Variants in NRXN3 observed in about 807,000 individuals in gnomAD.
The protein encoded by NRXN3 is neurexin III.
NRXN3 carries 32 observed loss-of-function variants against 137.6 expected under a neutral mutation model. That is an observed-to-expected ratio of 0.23 (90% CI 0.18 to 0.31). The LOEUF (loss-of-function observed/expected upper bound fraction) is 0.31, where lower values mean the gene tolerates loss of function less well. Among genes scored for constraint, NRXN3 ranks in the 10% least tolerant of loss-of-function variants. NRXN3 has a pLI of 1.00. For missense variants in NRXN3, 1,574 were observed against 2,062.5 expected (o/e 0.76, Z 4.59); for synonymous variants, 798 against 784.5 (o/e 1.02, Z -0.29).
chr14:78,977,954 T>C (rs1226164478), intron 14 of NRXN3, among the ~76,000 whole-genome samples: 1 of 152,116 alleles, frequency 6.6e-6, no homozygotes, highest in African/African-American at 2.4e-5. Flanking sequence ...ATATCACCAA[T>C]AAAAGGCCAC....
chr14:78,649,706 A>C (rs1357936395), intron 5 of NRXN3, among the ~76,000 whole-genome samples: 2 of 146,674 alleles, frequency 1.4e-5, no homozygotes, highest in Non-Finnish European at 3.0e-5. Context: ...TCTCCCTCTC[A>C]CTCTTCCTCT....
rs904085775 is a variant in NRXN3 at position 79,246,657 on chromosome 14, A to G, written c.3263-220564A>G. On this transcript the variant is annotated intron_variant, in intron 15 of 20. Transcript: ENST00000335750. ...GTTAGAGGCCTTTAGAAAGTGCAAGATACAAGTTAACTCTGTTTAAAGTTT... is the reference window on the plus strand; with the variant it reads ...GTTAGAGGCCTTTAGAAAGTGCAAGGTACAAGTTAACTCTGTTTAAAGTTT... 10 of 152,302 alleles carry G rather than the reference A, an allele frequency of 6.6e-5. 1 individual carries two copies. The highest frequency in any genetic ancestry group is 2.4e-4 in the African/African-American group (10 of 41,574). The allele number at this position is 152,302 out of a possible 1,614,324, so 9.4% of individuals were successfully genotyped here.
chr14:78,378,936 G>A (rs1405937698), intron 4 of NRXN3, among the ~76,000 whole-genome samples: 2 of 151,928 alleles, frequency 1.3e-5, no homozygotes, highest in Admixed American at 6.6e-5. Context: ...ATGAAATAAA[G>A]GATATCGCTA....
At chr14:79,564,805 C>G (rs2097532297) in intron 16 of NRXN3, among the ~76,000 whole-genome samples, 1 of 151,952 alleles carries the variant, frequency 6.6e-6, no homozygotes. Flanking sequence ...CCTGTCATAC[C>G]TTATTTGGTA....
At chr14:79,256,057 T>C (rs1320579608) in intron 15 of NRXN3, among the ~76,000 whole-genome samples, 4 of 152,140 alleles carry the variant, frequency 2.6e-5, no homozygotes, top group Admixed American at 2.6e-4. Context: ...CTGTGCCTAC[T>C]ACCCATATTA....
intron 8 of NRXN3, among the ~76,000 whole-genome samples, chr14:78,752,232 C>T (rs1406029391): frequency 6.6e-6 from 1 of 152,124 alleles, no homozygotes; most frequent in East Asian, 1.9e-4. Context: ...CAGGGTGAAA[C>T]CCTGTTTGGT....
intron 4 of NRXN3, among the ~76,000 whole-genome samples, chr14:78,334,865 A>G (rs2081271744): frequency 6.6e-6 from 1 of 152,134 alleles, no homozygotes; most frequent in Non-Finnish European, 1.5e-5. Flanking sequence ...GTAAACACTT[A>G]TTGAAACACC....
chr14:78,750,235 A>G (rs2098634585), intron 8 of NRXN3, among the ~76,000 whole-genome samples: 1 of 152,252 alleles, frequency 6.6e-6, no homozygotes, highest in Non-Finnish European at 1.5e-5. Context: ...GCACCTTTGT[A>G]GCCCATGAAG....
At chr14:78,555,853 A>G (rs933309735) in intron 4 of NRXN3, among the ~76,000 whole-genome samples, 2 of 152,226 alleles carry the variant, frequency 1.3e-5, no homozygotes, top group Admixed American at 6.5e-5. Flanking sequence ...CTAGAAGAAG[A>G]AAACAGAAGA....
intron 16 of NRXN3, among the ~76,000 whole-genome samples, chr14:79,503,167 A>G (rs1221147743): frequency 6.6e-6 from 1 of 151,912 alleles, no homozygotes; most frequent in Non-Finnish European, 1.5e-5. Flanking sequence ...TCTGTGTTTT[A>G]TTATATCTAG....
At chr14:79,346,496 T>C (rs972204481) in intron 15 of NRXN3, among the ~76,000 whole-genome samples, 1 of 152,010 alleles carries the variant, frequency 6.6e-6, no homozygotes, top group African/African-American at 2.4e-5. Context: ...TAAAATGATC[T>C]TGCCAAAAAA....
At position 79,501,653 on chromosome 14, in the gene NRXN3, C is replaced by G. The variant is rs192474671; in HGVS notation, c.3444+34251C>G. 4.5e-3 allele frequency among the ~76,000 whole-genome samples: 683 copies of G among 152,168 alleles called. 5 individuals carry two copies. The highest frequency in any genetic ancestry group is 8.1e-3 in the Non-Finnish European group (549 of 67,982). On this transcript the variant is annotated intron_variant, in intron 16 of 20. Coordinates refer to ENST00000335750, the MANE Select transcript of NRXN3 (RefSeq NM_001330195.2). ...ACAGTGAGAGTTTGGACTAAATCTC[C>G]TGGTTCCAATTATTACATTCTTCCT...
At position 78,633,001 on chromosome 14, in the gene NRXN3, C is replaced by T. The variant is rs999039096; in HGVS notation, c.758-12119C>T. ...ATGTAATCCCAGCACTTTGGGAGGCCGAGACGGGCAGATCATGAGGTCAGG... is the reference window on the plus strand; with the variant it reads ...ATGTAATCCCAGCACTTTGGGAGGCTGAGACGGGCAGATCATGAGGTCAGG... On this transcript the variant is annotated intron_variant, in intron 4 of 20. Transcript: ENST00000335750. Among the ~76,000 whole-genome samples the T allele has an allele frequency of 9.2e-5, 14 of 151,568 alleles. 1 individual carries two copies. The highest frequency in any genetic ancestry group is 4.6e-4 in the Admixed American group (7 of 15,220).
chr14:79,601,232 G>T (rs765026034), intron 16 of NRXN3, among the ~76,000 whole-genome samples: 1 of 151,706 alleles, frequency 6.6e-6, no homozygotes, highest in African/African-American at 2.4e-5. Context: ...TAGTAGAGAC[G>T]GGGTTTCACC....
At chr14:79,555,622 G>A (rs1457826722) in intron 16 of NRXN3, among the ~76,000 whole-genome samples, 1 of 152,042 alleles carries the variant, frequency 6.6e-6, no homozygotes, top group East Asian at 1.9e-4. Flanking sequence ...ACTTCTCAGA[G>A]ATGGTGAGTT....
intron 19 of NRXN3, among the ~76,000 whole-genome samples, chr14:79,728,185 T>C (rs1555670348): frequency 1.3e-5 from 2 of 152,164 alleles, no homozygotes; most frequent in Non-Finnish European, 2.9e-5. Context: ...CAAAAGTAAC[T>C]ACCTGGAACA....
At chr14:78,551,358 G>T (rs903805650) in intron 4 of NRXN3, among the ~76,000 whole-genome samples, 2 of 151,974 alleles carry the variant, frequency 1.3e-5, no homozygotes, top group Non-Finnish European at 2.9e-5. Context: ...TTCAGAAGCA[G>T]AACTTTGTCT....
chr14:79,671,125 A>G (rs1400179229), intron 17 of NRXN3, among the ~76,000 whole-genome samples: 1 of 152,148 alleles, frequency 6.6e-6, no homozygotes, highest in Non-Finnish European at 1.5e-5. Context: ...CATCCTACTT[A>G]GTCTTGAAAC....
intron 4 of NRXN3, among the ~76,000 whole-genome samples, chr14:78,520,904 T>C (rs2096275219): frequency 6.6e-6 from 1 of 152,202 alleles, no homozygotes; most frequent in African/African-American, 2.4e-5. Flanking sequence ...ATTATGGTGC[T>C]GAGAAGTTAA....
Sources: gnomAD v4.1 joint callset for allele counts (sites outside exome capture counted in the v4.1 genomes callset) on GRCh38, gnomAD v4.1.1 for gene constraint, MANE v1.5 for transcripts, NCBI Gene and HGNC (gene_info 2026-07-23, HGNC 2026-07-21) for gene names.